The following GRAMD4 variants were observed in gnomAD, a reference collection of about 807,000 sequenced individuals.
The protein encoded by GRAMD4 is GRAM domain-containing protein 4.
In GRAMD4, 25 loss-of-function variants were observed where a neutral mutation model predicts 83.9. The observed-to-expected ratio is 0.30, with a 90% CI of 0.22 to 0.42. GRAMD4 has a LOEUF of 0.42. GRAMD4 is among the 10% of genes least tolerant of loss of function. The pLI, the probability that GRAMD4 is intolerant of heterozygous loss-of-function variation, is 1.00. For synonymous variants in GRAMD4, 336 were observed against 320.9 expected (o/e 1.05, Z -0.50); for missense variants, 593 against 788.7 (o/e 0.75, Z 2.97).
chr22:46,599,683 T>C (rs1047888378), intron 1 of GRAMD4, among the ~76,000 whole-genome samples: 1 of 152,190 alleles, frequency 6.6e-6, no homozygotes, highest in Non-Finnish European at 1.5e-5. Context: ...CCTAGCAACC[T>C]GCATTTAATG....
At chr22:46,617,832 C>T (rs1310366837), upstream of GRAMD4, among the ~76,000 whole-genome samples, 1 of 152,244 alleles carries the variant, frequency 6.6e-6, no homozygotes, top group African/African-American at 2.4e-5. Context: ...CATGGGGTTC[C>T]AGCCTGACCC....
rs958776319 is a variant in GRAMD4, at chr22:46,672,554, G to T, written c.1085-289G>T. Among the ~76,000 whole-genome samples the T allele has an allele frequency of 1.3e-5, 2 of 151,122 alleles. No individual in the cohort carries two copies. Among genetic ancestry groups the T allele is most frequent in the Admixed American group, 1.3e-4 (2 of 15,158 alleles). On this transcript the variant is annotated intron_variant, in intron 13 of 18. Transcript: ENST00000406902. The surrounding 1 kb of genome is among the most constrained non-coding windows in gnomAD (Gnocchi z 4.7). ...GCGGAGTTGGAGAGAGAAGTGAGGG[G>T]CATTGGATGGGGGGGTCCTAGCAGA...
chr22:46,589,065 G>A (rs1029133071), intron 1 of GRAMD4, among the ~76,000 whole-genome samples: 2 of 152,090 alleles, frequency 1.3e-5, no homozygotes, highest in African/African-American at 4.8e-5. Flanking sequence ...CAGTACTGAT[G>A]GGAGAAGCAG....
intron 9 of GRAMD4, among the ~76,000 whole-genome samples, 183 bp downstream of exon 9, chr22:46,665,889 G>A (rs540402025): frequency 1.3e-5 from 2 of 152,210 alleles, no homozygotes; most frequent in South Asian, 4.1e-4. Context: ...GTTTGCTAGA[G>A]ATGGCAGTGG....
In GRAMD4 at chr22:46,620,454, G is replaced by A. The variant is rs933106839; in HGVS notation, c.-161G>A. On this transcript the variant is annotated 5_prime_UTR_variant, in exon 1 of 19. Coordinates refer to ENST00000406902, the MANE Select transcript of GRAMD4 (RefSeq NM_015124.5). This position sits in a 1 kb window ranked among gnomAD's most constrained non-coding sequence, Gnocchi z 4.7. ...CCCTCTCCGTGCCTGCTGGTGTTGG[G>A]CGGCTTGGAGGCTATGGTTCCTGGG... 1 of 985,384 alleles carries A rather than the reference G, an allele frequency of 1.0e-6. No individual in the cohort carries two copies. Among genetic ancestry groups the A allele is most frequent in the Admixed American group, 6.1e-5 (1 of 16,274 alleles). The allele number at this position is 985,384 out of a possible 1,614,324, so 61.0% of individuals were successfully genotyped here. A position where few individuals can be genotyped will look rare whatever the true frequency, so the allele number is the denominator to read the frequency against.
chr22:46,678,471 A>C lies in GRAMD4; in HGVS notation c.*1220A>C. 1.0e-6 allele frequency: 1 copy of C among 985,104 alleles called. No homozygotes were observed. The allele number at this position is 985,104 out of a possible 1,614,324, so 61.0% of individuals were successfully genotyped here. A position where few individuals can be genotyped will look rare whatever the true frequency, so the allele number is the denominator to read the frequency against. On this transcript the variant is annotated 3_prime_UTR_variant, in exon 19 of 19. Coordinates refer to ENST00000406902, the MANE Select transcript of GRAMD4 (RefSeq NM_015124.5). ...TGGCATTTGTGGAGGGAGCGCCCGC[A>C]GGCCTGGTCTGCTGGGGCCGCCTGC...
intron 1 of GRAMD4, among the ~76,000 whole-genome samples, chr22:46,593,214 G>A (rs114269747): frequency 0.01 from 1,555 of 152,096 alleles, 28 homozygotes; most frequent in African/African-American, 0.035. Flanking sequence ...TTAAAAAGTC[G>A]TAAGTTCTGA....
At chr22:46,613,886 G>A (rs1432043723) in intron 1 of GRAMD4, among the ~76,000 whole-genome samples, 2 of 152,040 alleles carry the variant, frequency 1.3e-5, no homozygotes, top group Non-Finnish European at 2.9e-5. Context: ...TCTATTTCAC[G>A]CATCTGTCTC....
rs113198878 is a variant in GRAMD4 at position 46,621,721 on chromosome 22, C to G, written c.-50+1156C>G. Reference sequence around the variant, plus strand: ...GCGTAGCCCGGGCCCGTCCCTGGCGCTGTGTCGCGGAGGGCACCCCTACCC... The same window carrying G: ...GCGTAGCCCGGGCCCGTCCCTGGCGGTGTGTCGCGGAGGGCACCCCTACCC... On this transcript the variant is annotated intron_variant, in intron 1 of 18. Transcript: ENST00000406902. This position sits in a 1 kb window ranked among gnomAD's most constrained non-coding sequence, Gnocchi z 5.8. Among the ~76,000 whole-genome samples, 43 of 110,754 alleles carry G rather than the reference C, an allele frequency of 3.9e-4. No homozygotes were observed. Among genetic ancestry groups the G allele is most frequent in the South Asian group, 9.1e-4 (3 of 3,312 alleles). The allele number at this position is 110,754 out of a possible 152,430, so 72.7% of individuals were successfully genotyped here.
intron 14 of GRAMD4, 97 bp downstream of exon 14, chr22:46,673,094 A>G: frequency 1.0e-6 from 1 of 992,514 alleles, no homozygotes; most frequent in South Asian, 1.7e-5. Context: ...CGGCTCATTT[A>G]GAGGCTGTTT....
intron 2 of GRAMD4, among the ~76,000 whole-genome samples, chr22:46,629,699 G>A (rs778633359): frequency 6.6e-6 from 1 of 152,176 alleles, no homozygotes; most frequent in Non-Finnish European, 1.5e-5. Context: ...AAAAGTGTGC[G>A]ACTCAGGGGT....
At chr22:46,579,671 G>A (rs73181059) in intron 1 of GRAMD4, among the ~76,000 whole-genome samples, 19 of 152,222 alleles carry the variant, frequency 1.2e-4, no homozygotes, top group Non-Finnish European at 2.1e-4. Flanking sequence ...CCCCTCCCTG[G>A]GGGCCACATG....
At position 46,587,958 on chromosome 22, in the gene GRAMD4, C is replaced by T. The variant is rs1429904846; in HGVS notation, c.-50+10668C>T. ...CTCACATCACAGGTTGGCAAAAGGC[C>T]TGAGGGTCCAGGGGGCCAGGGCCTG... On this transcript the variant is annotated intron_variant, in intron 1 of 1. Transcript: ENST00000431155. 8.1e-6 allele frequency: 8 copies of T among 985,222 alleles called. No homozygotes were observed. In the East Asian group the frequency reaches 9.1e-4, roughly 113 times the overall value. 61.0% of individuals were successfully genotyped at this position (985,222 alleles called of 1,614,324 possible).
At chr22:46,641,523 C>A (rs182936938) in intron 3 of GRAMD4, among the ~76,000 whole-genome samples, 1 of 152,016 alleles carries the variant, frequency 6.6e-6, no homozygotes, top group African/African-American at 2.4e-5. Flanking sequence ...TGTCTCTCTC[C>A]GGTCTTGACC....
chr22:46,603,668 C>G (rs2081337594), intron 1 of GRAMD4, among the ~76,000 whole-genome samples: 1 of 151,492 alleles, frequency 6.6e-6, no homozygotes, highest in African/African-American at 2.4e-5. Context: ...AGGCGCCCAC[C>G]ACCACGCCTG....
chr22:46,653,396 A>G (rs1038607085), intron 3 of GRAMD4, among the ~76,000 whole-genome samples: 1 of 152,218 alleles, frequency 6.6e-6, no homozygotes, highest in African/African-American at 2.4e-5. Context: ...CAGGAGGTCC[A>G]GGGTGGAAAG....
chr22:46,579,607 C>T (rs1270466917), intron 1 of GRAMD4, among the ~76,000 whole-genome samples: 3 of 152,278 alleles, frequency 2.0e-5, no homozygotes, highest in South Asian at 2.1e-4. Context: ...CCTGGGGCCC[C>T]GATAGTCCCA....
intron 1 of GRAMD4, among the ~76,000 whole-genome samples, chr22:46,602,054 C>T (rs562101513): frequency 1.3e-5 from 2 of 152,312 alleles, no homozygotes; most frequent in Non-Finnish European, 2.9e-5. Context: ...GTGACCACGT[C>T]GGCGGTGGGC....
chr22:46,649,183 G>A (rs1044792466), intron 3 of GRAMD4, among the ~76,000 whole-genome samples: 6 of 152,218 alleles, frequency 3.9e-5, no homozygotes, highest in Non-Finnish European at 8.8e-5. Context: ...TCACCAGCTG[G>A]AACTGGAGTT....
Sources: gnomAD v4.1 joint callset for allele counts (sites outside exome capture counted in the v4.1 genomes callset) on GRCh38, gnomAD v4.1.1 for gene constraint, Gnocchi (gnomAD v3.1) non-coding constraint, MANE v1.5 for transcripts, NCBI Gene and HGNC (gene_info 2026-07-23, HGNC 2026-07-21) for gene names.